RBM6: variants seen among roughly 807,000 people sequenced by gnomAD.
The protein encoded by RBM6 is RNA binding motif protein 6, also known as RNA-binding protein 6.
RBM6 carries 23 observed loss-of-function variants against 140.4 expected under a neutral mutation model. The observed-to-expected ratio is 0.16, with a 90% CI of 0.12 to 0.23. The LOEUF is 0.23. Ranked by LOEUF, RBM6 falls within the 10% of genes least tolerant of loss-of-function variation. The pLI, the probability that RBM6 is intolerant of heterozygous loss-of-function variation, is 1.00. For synonymous variants in RBM6, 439 were observed against 475.6 expected (o/e 0.92, Z 1.00); for missense variants, 1,139 against 1,386.7 (o/e 0.82, Z 2.84).
chr3:49,988,006 C>T (rs1411580921), intron 5 of RBM6, among the ~76,000 whole-genome samples: 1 of 152,132 alleles, frequency 6.6e-6, no homozygotes, highest in Non-Finnish European at 1.5e-5. Context: ...ACCTGATTTC[C>T]AAGCCATCTC....
chr3:49,982,127 G>T (rs2085331134), intron 5 of RBM6, among the ~76,000 whole-genome samples: 1 of 152,106 alleles, frequency 6.6e-6, no homozygotes, highest in Non-Finnish European at 1.5e-5. Context: ...TGTATTCTTG[G>T]GAAGGAAAAT....
intron 6 of RBM6, among the ~76,000 whole-genome samples, chr3:50,002,463 T>C (rs1417541425): frequency 6.6e-6 from 1 of 152,074 alleles, no homozygotes; most frequent in Non-Finnish European, 1.5e-5. Context: ...GGTTTCACCA[T>C]GTTTGCCAGG....
chr3:50,060,440 G>A (rs1319224021), intron 11 of RBM6, among the ~76,000 whole-genome samples: 2 of 151,994 alleles, frequency 1.3e-5, no homozygotes, highest in Admixed American at 1.3e-4. Context: ...CCACCACTTG[G>A]CTTTGTAAGA....
At chr3:50,061,825 G>T in intron 14 of RBM6, 137 bp from the exon 15 acceptor site, 1 of 1,307,754 alleles carries the variant, frequency 7.6e-7, no homozygotes. Flanking sequence ...TGGGTTTTTA[G>T]ATTGATGTGG....
intron 6 of RBM6, among the ~76,000 whole-genome samples, chr3:50,012,191 G>A (rs762611910): frequency 7.9e-5 from 12 of 151,796 alleles, no homozygotes; most frequent in Middle Eastern, 3.2e-3. Context: ...CCCGTTTGGG[G>A]ATACATTTAC....
At chr3:50,029,341 G>GA (rs2088014347) in intron 6 of RBM6, among the ~76,000 whole-genome samples, 1 of 152,158 alleles carries the variant, frequency 6.6e-6, no homozygotes, top group Non-Finnish European at 1.5e-5. Context: ...GATCAGGTTT[G>GA]AAAGAGTTTA....
intron 20 of RBM6, 46 bp from the exon 21 acceptor site, chr3:50,076,962 T>C: frequency 6.4e-7 from 1 of 1,570,924 alleles, no homozygotes; most frequent in Non-Finnish European, 8.6e-7. Flanking sequence ...GCGCTGAGGC[T>C]AATTAATCTA....
At chr3:50,004,984 T>G (rs1345175570) in intron 6 of RBM6, among the ~76,000 whole-genome samples, 2 of 152,120 alleles carry the variant, frequency 1.3e-5, no homozygotes, top group Middle Eastern at 3.2e-3. Context: ...AGAAAAAGGG[T>G]TCTGTTATCA....
chr3:49,982,055 A>G (rs2085327298), intron 5 of RBM6, among the ~76,000 whole-genome samples: 1 of 152,164 alleles, frequency 6.6e-6, no homozygotes, highest in Non-Finnish European at 1.5e-5. Flanking sequence ...AGGTGGTGTT[A>G]GTAGGAAGAA....
At chr3:49,970,347 T>C (rs2084733308) in intron 3 of RBM6, among the ~76,000 whole-genome samples, 1 of 152,216 alleles carries the variant, frequency 6.6e-6, no homozygotes, top group Non-Finnish European at 1.5e-5. Context: ...CCCAAAGTGC[T>C]GGGATTACAG....
At chr3:50,021,740 C>CTT (rs542734328) in intron 6 of RBM6, among the ~76,000 whole-genome samples, 5,837 of 42,540 alleles carry the variant, frequency 0.14, 2,198 homozygotes, top group Middle Eastern at 0.44. Context: ...AATTTAAGTG[C>CTT]TTTTTTTTTT....
Position 49,968,575 on chromosome 3 carries a change from C to T in RBM6, c.1150C>T (p.Leu384=). ...GREEQSSDAG[L]FKEEGGLDFL... is the part of the protein sequence containing the mutation. ...TGAAGAGCAGAGTTCAGATGCTGGT[C>T]TGTTTAAAGAAGAAGGCGGTCTGGA... The change falls in exon 3 of 21, where the codon CTG becomes TTG. Residue 384 remains leucine, a synonymous_variant. Coordinates refer to ENST00000266022, the MANE Select transcript of RBM6 (RefSeq NM_005777.3). The T allele has an allele frequency of 3.7e-6, 6 of 1,614,104 alleles. No homozygotes were observed. Among genetic ancestry groups the T allele is most frequent in the Non-Finnish European group, 5.1e-6 (6 of 1,180,040 alleles).
In RBM6 at chr3:50,075,291, C is replaced by G. The variant is rs775496938; in HGVS notation, c.3207C>G (p.Gly1069=). ...QQATGWRKGT[G]LGYGHPGLAS... ...CTACTGGCTGGAGGAAAGGGACAGG[C>G]CTGGGATATGGCCATCCTGGATTGG... Residue 1069 remains glycine (G), a synonymous_variant, in exon 20 of 21, where the codon GGC becomes GGG. Coordinates refer to ENST00000266022, the MANE Select transcript of RBM6 (RefSeq NM_005777.3). 9 of 1,614,076 alleles carry G rather than the reference C, an allele frequency of 5.6e-6. No homozygotes were observed. Among genetic ancestry groups the G allele is most frequent in the African/African-American group, 1.3e-5 (1 of 75,018 alleles).
chr3:50,021,740 C>CTTTTTTTTTTTTTTTTTTTTTTTTTTTTT (rs542734328), intron 6 of RBM6, among the ~76,000 whole-genome samples: 7 of 42,754 alleles, frequency 1.6e-4, no homozygotes, highest in East Asian at 8.7e-4. Flanking sequence ...AATTTAAGTG[C>CTTTTTTTTTTTTTTTTTTTTTTTTTTTTT]TTTTTTTTTT....
intron 5 of RBM6, among the ~76,000 whole-genome samples, chr3:49,993,746 A>C (rs2085938608): frequency 6.6e-6 from 1 of 151,946 alleles, no homozygotes; most frequent in Non-Finnish European, 1.5e-5. Context: ...AAGGAGAAAT[A>C]ATTGAAAGTG....
intron 1 of RBM6, chr3:49,941,159 T>C (rs2083266073): frequency 6.6e-6 from 1 of 152,146 alleles, no homozygotes; most frequent in Admixed American, 6.6e-5. Flanking sequence ...ACTGAATTTG[T>C]GAGGTCTCTA....
intron 4 of RBM6, among the ~76,000 whole-genome samples, chr3:49,974,332 G>C (rs1054347493): frequency 1.3e-5 from 2 of 151,374 alleles, no homozygotes; most frequent in Admixed American, 1.3e-4. Flanking sequence ...CTATCCTCCC[G>C]AGTAGCTGGG....
At chr3:50,031,198 G>A (rs1165327698) in intron 6 of RBM6, among the ~76,000 whole-genome samples, 1 of 152,154 alleles carries the variant, frequency 6.6e-6, no homozygotes, top group Non-Finnish European at 1.5e-5. Flanking sequence ...TCTAGAACTA[G>A]AAATACCATT....
In RBM6 at chr3:49,968,350, A is replaced by G; in HGVS notation, c.925A>G (p.Asn309Asp). The change falls in exon 3 of 21, where the codon AAT (asparagine) becomes GAT (aspartate). Residue 309 changes from asparagine to aspartate, a missense_variant. Asn to Asp is a conservative substitution (Grantham distance 23). Coordinates refer to ENST00000266022, the MANE Select transcript of RBM6 (RefSeq NM_005777.3). ...ACAAGATAGAGAACATTCTGGTATG[A>G]ATGTGAACAGGAGAGAAGAATCCAC... ...STQDREHSGM[N>D]VNRREESTHD... 2 of 1,614,230 alleles carry G rather than the reference A, an allele frequency of 1.2e-6. No homozygotes were observed. Among genetic ancestry groups the G allele is most frequent in the Non-Finnish European group, 1.7e-6 (2 of 1,180,048 alleles).
Sources: gnomAD v4.1 joint callset for allele counts (sites outside exome capture counted in the v4.1 genomes callset) on GRCh38, gnomAD v4.1.1 for gene constraint, MANE v1.5 for transcripts, NCBI Gene and HGNC (gene_info 2026-07-23, HGNC 2026-07-21) for gene names.